The following POLI variants were observed in gnomAD, a reference collection of about 807,000 sequenced individuals.
POLI encodes the protein DNA polymerase iota.
In POLI, 58 loss-of-function variants were observed where a neutral mutation model predicts 51.6. The observed-to-expected ratio is 1.12, with a 90% CI of 0.91 to 1.40. The LOEUF is 1.40. Ranked by LOEUF, POLI falls within the 40% of genes most tolerant of loss-of-function variation. POLI has a pLI of 0.00. For missense variants in POLI, 921 were observed against 871.3 expected, an observed-to-expected ratio of 1.06 and a Z score of -0.72; for synonymous variants, 322 against 299.7, an observed-to-expected ratio of 1.07 and a Z score of -0.77.
intron 3 of POLI, among the ~76,000 whole-genome samples, chr18:54,305,227 A>T (rs2088561757): frequency 6.6e-6 from 1 of 151,934 alleles, no homozygotes; most frequent in Non-Finnish European, 1.5e-5. Flanking sequence ...TTTGCTTAGG[A>T]TTGTCTTGGC....
Position 54,274,105 on chromosome 18 carries a change from C to T in POLI, c.406+15C>T. On this transcript the variant is annotated intron_variant, in intron 3 of 9. Coordinates refer to ENST00000579534, the MANE Select transcript of POLI (RefSeq NM_007195.3). ...TAAGGTTACAGGTACAAATGATAAG[C>T]AATGTACTTTTAGCATTAATTTTTA... is the stretch of plus-strand genomic sequence containing the variant. The T allele has an allele frequency of 7.5e-7, 1 of 1,327,042 alleles. No homozygotes were observed. Among genetic ancestry groups the T allele is most frequent in the Non-Finnish European group, 9.8e-7 (1 of 1,016,762 alleles). The allele number at this position is 1,327,042 out of a possible 1,614,324, so 82.2% of individuals were successfully genotyped here.
chr18:54,277,796 A>C lies in POLI; in HGVS notation c.500A>C (p.Gln167Pro), dbSNP rs572459890. 5 of 1,613,094 alleles carry C rather than the reference A, an allele frequency of 3.1e-6. No individual in the cohort carries two copies. The highest frequency in any genetic ancestry group is 4.2e-6 in the Non-Finnish European group (5 of 1,179,272). ...LTEMVEKRLQQLQSDELSAVT... is the reference protein window; with the variant it reads ...LTEMVEKRLQPLQSDELSAVT... ...GAAATGGTTGAGAAGAGACTACAGCAGCTGCAAAGTGATGAACTTTCTGCG... is the reference window on the plus strand; with the variant it reads ...GAAATGGTTGAGAAGAGACTACAGCCGCTGCAAAGTGATGAACTTTCTGCG... The change falls in exon 4 of 10, where the codon CAG (glutamine) becomes CCG (proline). Residue 167 changes from glutamine to proline, a missense_variant. Coordinates refer to ENST00000579534, the MANE Select transcript of POLI (RefSeq NM_007195.3).
intron 8 of POLI, 78 bp downstream of exon 8, chr18:54,287,489 C>A: frequency 9.4e-7 from 1 of 1,062,566 alleles, no homozygotes; most frequent in Non-Finnish European, 1.4e-6. Flanking sequence ...AAATATGCTC[C>A]AAAAATGGAG....
intron 3 of POLI, among the ~76,000 whole-genome samples, chr18:54,274,506 A>C (rs1184228123): frequency 1.3e-5 from 2 of 151,884 alleles, no homozygotes; most frequent in African/African-American, 4.8e-5. Flanking sequence ...CATAATTAAA[A>C]ACTGATTTCT....
At chr18:54,282,782 C>A in intron 5 of POLI, 55 bp from the exon 6 acceptor site, 4 of 930,936 alleles carry the variant, frequency 4.3e-6, no homozygotes, top group South Asian at 1.8e-5. Context: ...TTTTAATTAG[C>A]TTTGTTTTAA....
At chr18:54,301,276 T>TCACACACA (rs35448677), downstream of POLI, among the ~76,000 whole-genome samples, 10 of 150,468 alleles carry the variant, frequency 6.6e-5, no homozygotes, top group Admixed American at 6.6e-4. Context: ...GAAACTCCCA[T>TCACACACA]CACACACACA....
chr18:54,299,350 G>A (rs149447982), downstream of POLI, among the ~76,000 whole-genome samples: 3,093 of 152,266 alleles, frequency 0.02, 112 homozygotes, highest in African/African-American at 0.07. Context: ...CAGGAGACTC[G>A]CTTGAACCTG....
At chr18:54,303,207 C>T (rs2088521960), downstream of POLI, among the ~76,000 whole-genome samples, 1 of 152,104 alleles carries the variant, frequency 6.6e-6, no homozygotes, top group South Asian at 2.1e-4. Context: ...TAGAATCTGC[C>T]CTTCCCACTT....
Position 54,287,438 on chromosome 18 carries a change from A to T in POLI, c.1198+27A>T, listed in dbSNP as rs372888688. ...TATGGACTAGTTTTCCAACAGTTTCATTAGCAGGTTGAACTCTTAAATAAG... is the reference window on the plus strand; with the variant it reads ...TATGGACTAGTTTTCCAACAGTTTCTTTAGCAGGTTGAACTCTTAAATAAG... On this transcript the variant is annotated intron_variant, in intron 8 of 9. Transcript: ENST00000579534. 5.7e-6 allele frequency: 9 copies of T among 1,591,128 alleles called. No homozygotes were observed. In the African/African-American group the frequency reaches 9.4e-5, roughly 17 times the overall value.
At chr18:54,310,290 A>G (rs1447114461) in intron 3 of POLI, among the ~76,000 whole-genome samples, 1 of 152,208 alleles carries the variant, frequency 6.6e-6, no homozygotes, top group Non-Finnish European at 1.5e-5. Flanking sequence ...TACTGAGAAG[A>G]TAGTCCTTCA....
At chr18:54,306,884 G>A (rs1239111795) in intron 3 of POLI, among the ~76,000 whole-genome samples, 1 of 152,138 alleles carries the variant, frequency 6.6e-6, no homozygotes, top group South Asian at 2.1e-4. Context: ...AGTATTCTCT[G>A]ATGGTAGTTT....
chr18:54,296,113 T>G lies in POLI; in HGVS notation c.*1646T>G. 1.0e-6 allele frequency: 1 copy of G among 982,090 alleles called. No homozygotes were observed. The highest frequency in any genetic ancestry group is 1.2e-6 in the Non-Finnish European group (1 of 826,910). 60.8% of individuals were successfully genotyped at this position (982,090 alleles called of 1,614,324 possible). ...GAACATAGTATTTTTTACATGAGTA[T>G]TCCAGTAAGGTAATTAAACTTATGA... On this transcript the variant is annotated 3_prime_UTR_variant, in exon 10 of 10. Transcript: ENST00000579534.
Position 54,294,094 on chromosome 18 carries a change from GC to G in POLI, c.1852del (p.Gln618LysfsTer8), listed in dbSNP as rs1187577292. ...FNSSSSSYMS[S>X]QKDYSYYLDN... ...AGCAGTAGTTCTTCTTACATGTCTA[GC>G]CAAAAGGATTATTCATATTATTTAG... On this transcript the variant is annotated frameshift_variant, in exon 10 of 10. Coordinates refer to ENST00000579534, the MANE Select transcript of POLI (RefSeq NM_007195.3). LOFTEE classifies it low-confidence loss of function (END_TRUNC). 1 of 1,609,420 alleles carries G rather than the reference GC, an allele frequency of 6.2e-7. No homozygotes were observed. Among genetic ancestry groups the G allele is most frequent in the East Asian group, 2.2e-5 (1 of 44,834 alleles).
chr18:54,313,516 T>C (rs1488630924), intron 3 of POLI, among the ~76,000 whole-genome samples: 1 of 152,214 alleles, frequency 6.6e-6, no homozygotes, highest in Non-Finnish European at 1.5e-5. Context: ...TTGATAGGAA[T>C]ATCATTGAAT....
chr18:54,297,261 T>C lies in POLI; in HGVS notation c.*2794T>C, dbSNP rs987188744. ...TTGCTTGATGCTTTCTGCTGCTTTC[T>C]TGCTTTTGTTTCAGCTCGAGTTTGT... On this transcript the variant is annotated 3_prime_UTR_variant, in exon 10 of 10. Transcript: ENST00000579534. The C allele has an allele frequency of 2.1e-4, 210 of 985,324 alleles. 2 individuals carry two copies. The highest frequency in any genetic ancestry group is 2.5e-4 in the Non-Finnish European group (204 of 829,942). The allele number at this position is 985,324 out of a possible 1,614,324, so 61.0% of individuals were successfully genotyped here. A position where few individuals can be genotyped will look rare whatever the true frequency, so the allele number is the denominator to read the frequency against.
intron 3 of POLI, among the ~76,000 whole-genome samples, chr18:54,319,343 A>C (rs2088768629): frequency 1.3e-5 from 2 of 152,290 alleles, no homozygotes; most frequent in African/African-American, 4.8e-5. Context: ...GTTCTGATTC[A>C]TTAGTATTAT....
At chr18:54,301,861 T>C (rs2088497241), downstream of POLI, among the ~76,000 whole-genome samples, 1 of 152,220 alleles carries the variant, frequency 6.6e-6, no homozygotes, top group Non-Finnish European at 1.5e-5. Context: ...AAAAAGTTCT[T>C]CCTTATTCTC....
chr18:54,278,980 T>A (rs2087373300), intron 4 of POLI, among the ~76,000 whole-genome samples: 1 of 152,224 alleles, frequency 6.6e-6, no homozygotes, highest in Admixed American at 6.5e-5. Context: ...GCTTTTCCTG[T>A]ATCTTTTGTA....
chr18:54,313,905 G>C (rs1270850767), intron 3 of POLI, among the ~76,000 whole-genome samples: 3 of 152,116 alleles, frequency 2.0e-5, no homozygotes, highest in East Asian at 3.8e-4. Flanking sequence ...AACGGGGATA[G>C]TTTGACTTCC....
Sources: gnomAD v4.1 joint callset for allele counts (sites outside exome capture counted in the v4.1 genomes callset) on GRCh38, gnomAD v4.1.1 for gene constraint, MANE v1.5 for transcripts, NCBI Gene and HGNC (gene_info 2026-07-23, HGNC 2026-07-21) for gene names.